Variants in GATAD2A observed in about 807,000 individuals in gnomAD.
GATAD2A encodes transcriptional repressor p66-alpha.
GATAD2A carries 12 observed loss-of-function variants against 68.5 expected under a neutral mutation model. That is an observed-to-expected ratio of 0.18 (90% CI 0.11 to 0.28). The LOEUF (loss-of-function observed/expected upper bound fraction) is 0.28, where lower values mean the gene tolerates loss of function less well. Ranked by LOEUF, GATAD2A falls within the 10% of genes least tolerant of loss-of-function variation. GATAD2A has a pLI of 1.00. For synonymous variants in GATAD2A, 410 were observed against 375.3 expected (o/e 1.09, Z -1.07); for missense variants, 755 against 868.5 (o/e 0.87, Z 1.64).
intron 1 of GATAD2A, among the ~76,000 whole-genome samples, chr19:19,448,939 T>C (rs902653763): frequency 1.1e-4 from 17 of 152,154 alleles, no homozygotes; most frequent in Admixed American, 7.2e-4. Context: ...AGGGCCGATA[T>C]ACAGAAGCAG....
At chr19:19,456,494 G>T (rs750013872) in intron 1 of GATAD2A, among the ~76,000 whole-genome samples, 1 of 152,208 alleles carries the variant, frequency 6.6e-6, no homozygotes, top group Non-Finnish European at 1.5e-5. Flanking sequence ...ATCCACATGT[G>T]TCATTGCTTG....
At chr19:19,433,481 G>A (rs1191695023) in intron 1 of GATAD2A, among the ~76,000 whole-genome samples, 1 of 152,080 alleles carries the variant, frequency 6.6e-6, no homozygotes, top group Non-Finnish European at 1.5e-5. Context: ...CCATCTGCTG[G>A]GAATTTTTGA....
At chr19:19,443,100 CAT>C (rs1181055966) in intron 1 of GATAD2A, among the ~76,000 whole-genome samples, 1 of 152,144 alleles carries the variant, frequency 6.6e-6, no homozygotes, top group Admixed American at 6.5e-5. Flanking sequence ...TAAATAGCCA[CAT>C]GTGGCTAATG....
At chr19:19,413,347 A>G (rs947261829) in intron 1 of GATAD2A, among the ~76,000 whole-genome samples, 1 of 152,186 alleles carries the variant, frequency 6.6e-6, no homozygotes, top group Non-Finnish European at 1.5e-5. Flanking sequence ...GAAGGCATCG[A>G]TTGAATTGGT....
chr19:19,447,574 G>A (rs1009387867), intron 1 of GATAD2A, among the ~76,000 whole-genome samples: 4 of 152,222 alleles, frequency 2.6e-5, no homozygotes, highest in Admixed American at 2.6e-4. Flanking sequence ...TTCTGTCCCA[G>A]CCCTTACAGC....
intron 2 of GATAD2A, among the ~76,000 whole-genome samples, chr19:19,490,994 T>TG (rs1186703458): frequency 2.0e-5 from 3 of 152,220 alleles, no homozygotes; most frequent in African/African-American, 7.2e-5. Flanking sequence ...CTTTGGGACT[T>TG]GCGTTGGGTC....
chr19:19,440,238 ATTTTAT>A (rs769247700), intron 1 of GATAD2A: 2 of 264,458 alleles, frequency 7.6e-6, no homozygotes, highest in Non-Finnish European at 7.3e-6. Context: ...GGATTTGCTC[ATTTTAT>A]TTTTATTTTT....
At chr19:19,479,786 T>G (rs532603686) in intron 2 of GATAD2A, among the ~76,000 whole-genome samples, 1 of 151,986 alleles carries the variant, frequency 6.6e-6, no homozygotes, top group East Asian at 1.9e-4. Context: ...CTCCACCATT[T>G]CCATACTGTC....
chr19:19,501,882 C>T (rs1383802854), intron 9 of GATAD2A, 87 bp from the exon 10 acceptor site: 8 of 965,292 alleles, frequency 8.3e-6, no homozygotes, highest in South Asian at 5.6e-5. Flanking sequence ...CCCCAGGGGA[C>T]GGGCCTGTCC....
chr19:19,494,400 C>G lies in GATAD2A; in HGVS notation c.624+17C>G. 1 of 1,496,780 alleles carries G rather than the reference C, an allele frequency of 6.7e-7. No homozygotes were observed. Among genetic ancestry groups the G allele is most frequent in the Non-Finnish European group, 9.3e-7 (1 of 1,073,752 alleles). The allele number at this position is 1,496,780 out of a possible 1,614,324, so 92.7% of individuals were successfully genotyped here. Reference sequence around the variant, plus strand: ...TCACTCCAGGTCAGTGTCCTTTCTGCGTCTCACTGGGTGCCCTGCTGGCAC... The same window carrying G: ...TCACTCCAGGTCAGTGTCCTTTCTGGGTCTCACTGGGTGCCCTGCTGGCAC... On this transcript the variant is annotated intron_variant, in intron 5 of 11. Coordinates refer to ENST00000683918, the MANE Select transcript of GATAD2A (RefSeq NM_001384528.1).
chr19:19,457,051 G>T (rs898484398), intron 1 of GATAD2A: 1 of 975,932 alleles, frequency 1.0e-6, no homozygotes, highest in South Asian at 4.7e-5. Context: ...AGAGCTGAAA[G>T]TGAGTTTGAA....
intron 1 of GATAD2A, among the ~76,000 whole-genome samples, chr19:19,412,341 G>A (rs2147131457): frequency 6.6e-6 from 1 of 151,812 alleles, no homozygotes; most frequent in South Asian, 2.1e-4. Context: ...ATATTTAGTA[G>A]AGACGGGGTT....
rs137926363 is a variant in GATAD2A at position 19,489,633 on chromosome 19, G to T, written c.270-2673G>T. On this transcript the variant is annotated intron_variant, in intron 2 of 11. Transcript: ENST00000683918. ...CTCAGGCAGCTTCAGCTGCTAGGTG[G>T]TCTGGACCCCTCGCCTACCCTCTTC... Among the ~76,000 whole-genome samples the T allele has an allele frequency of 3.9e-4, 60 of 152,354 alleles. No individual in the cohort carries two copies. In the East Asian group the frequency reaches 9.2e-3, roughly 23 times the overall value.
chr19:19,439,623 G>A (rs916289638), intron 1 of GATAD2A, among the ~76,000 whole-genome samples: 16 of 152,144 alleles, frequency 1.1e-4, no homozygotes, highest in Non-Finnish European at 2.4e-4. Context: ...TGAAGCGGGT[G>A]GGTCATTTGA....
At chr19:19,400,739 T>C (rs1460411968), upstream of GATAD2A, among the ~76,000 whole-genome samples, 1 of 152,134 alleles carries the variant, frequency 6.6e-6, no homozygotes, top group Non-Finnish European at 1.5e-5. Flanking sequence ...CATGTAAACA[T>C]GGATTTGGGG....
rs1013198987 is a variant in GATAD2A, at chr19:19,506,093, C to T, written c.*619C>T. The stretch of plus-strand genomic sequence containing the variant: ...CCTGTGCCCTGGAGGGTGGGCGGCT[C>T]ATGGTGCCACAGCCCCTGGCAGGGA... On this transcript the variant is annotated 3_prime_UTR_variant, in exon 12 of 12. Coordinates refer to ENST00000683918, the MANE Select transcript of GATAD2A (RefSeq NM_001384528.1). The T allele has an allele frequency of 2.5e-6, 1 of 399,030 alleles. No homozygotes were observed. The highest frequency in any genetic ancestry group is 4.4e-6 in the Non-Finnish European group (1 of 226,084). The allele number at this position is 399,030 out of a possible 1,614,324, so 24.7% of individuals were successfully genotyped here.
At chr19:19,387,350 C>T (rs1408367593) in intron 1 of GATAD2A, among the ~76,000 whole-genome samples, 1 of 148,952 alleles carries the variant, frequency 6.7e-6, no homozygotes, top group Non-Finnish European at 1.5e-5. Context: ...GACAGAGTCT[C>T]ATTCCGTCTC....
At chr19:19,449,729 G>A (rs2056166637) in intron 1 of GATAD2A, among the ~76,000 whole-genome samples, 2 of 152,126 alleles carry the variant, frequency 1.3e-5, no homozygotes, top group South Asian at 2.1e-4. Context: ...CCAGGAGGTC[G>A]AAGCTACAGT....
chr19:19,426,746 G>A (rs2053139619), intron 1 of GATAD2A, among the ~76,000 whole-genome samples: 1 of 151,988 alleles, frequency 6.6e-6, no homozygotes. Flanking sequence ...ACTTCTGGCC[G>A]CAAGCGATCC....
Sources: allele counts gnomAD v4.1 joint callset (sites outside exome capture counted in the v4.1 genomes callset), GRCh38; gene constraint gnomAD v4.1.1; transcripts MANE v1.5; gene names NCBI Gene and HGNC (gene_info 2026-07-23, HGNC 2026-07-21).